Variants in UBE3D observed in about 807,000 individuals in gnomAD.
The protein encoded by UBE3D is E3 ubiquitin-protein ligase E3D.
In UBE3D, 48 loss-of-function variants were observed where a neutral mutation model predicts 49.6. That is an observed-to-expected ratio of 0.97 (90% confidence interval 0.77 to 1.23). UBE3D has a LOEUF of 1.23. Ranked by LOEUF, UBE3D falls within the 50% of genes most tolerant of loss-of-function variation. The pLI, the probability that UBE3D is intolerant of heterozygous loss-of-function variation, is 0.00. For missense variants in UBE3D, 452 were observed against 468.4 expected, an observed-to-expected ratio of 0.96 and a Z score of 0.32; for synonymous variants, 189 against 174.2, an observed-to-expected ratio of 1.08 and a Z score of -0.67.
At chr6:83,047,971 A>G (rs987484256) in intron 3 of UBE3D, among the ~76,000 whole-genome samples, 5 of 146,588 alleles carry the variant, frequency 3.4e-5, no homozygotes, top group African/African-American at 1.0e-4. Flanking sequence ...AGTCCCAGCT[A>G]CTCCGGAGGC....
At chr6:83,017,999 GA>G (rs1319589987) in intron 8 of UBE3D, 1 of 152,098 alleles carries the variant, frequency 6.6e-6, no homozygotes, top group Non-Finnish European at 1.5e-5. Context: ...AACAGAAAAG[GA>G]AGTGGAAGAG....
chr6:82,887,855 T>C (rs1326554182), downstream of UBE3D, among the ~76,000 whole-genome samples: 3 of 152,084 alleles, frequency 2.0e-5, no homozygotes, highest in Non-Finnish European at 4.4e-5. Flanking sequence ...AGTGAAGGGG[T>C]CACACAGTGA....
intron 8 of UBE3D, among the ~76,000 whole-genome samples, chr6:82,964,013 A>G (rs1051771883): frequency 2.0e-5 from 3 of 152,208 alleles, no homozygotes; most frequent in East Asian, 3.9e-4. Context: ...ACTTACTTCT[A>G]TGATTTTTAA....
At chr6:83,064,972 C>T (rs752277503) in intron 1 of UBE3D, among the ~76,000 whole-genome samples, 4 of 152,142 alleles carry the variant, frequency 2.6e-5, no homozygotes, top group Non-Finnish European at 4.4e-5. Flanking sequence ...GACAAGGGGA[C>T]CACAAATCAT....
intron 9 of UBE3D, among the ~76,000 whole-genome samples, chr6:82,899,970 G>C (rs1231141512): frequency 6.6e-6 from 1 of 152,202 alleles, no homozygotes; most frequent in Non-Finnish European, 1.5e-5. Context: ...TAGGATACCA[G>C]TATGGGTGGG....
intron 9 of UBE3D, among the ~76,000 whole-genome samples, chr6:82,937,480 A>G (rs1774667691): frequency 6.6e-6 from 1 of 152,144 alleles, no homozygotes; most frequent in East Asian, 1.9e-4. Flanking sequence ...CTCCTTTCCA[A>G]GGAAGTAAGA....
chr6:82,987,563 C>T (rs1054724826), intron 8 of UBE3D, among the ~76,000 whole-genome samples: 8 of 152,090 alleles, frequency 5.3e-5, no homozygotes, highest in Admixed American at 6.5e-5. Flanking sequence ...AATAAAACAT[C>T]GAATTGGCAA....
At chr6:82,887,656 C>T (rs1324240613), downstream of UBE3D, among the ~76,000 whole-genome samples, 19 of 147,896 alleles carry the variant, frequency 1.3e-4, no homozygotes. Context: ...TTGCGGTGAG[C>T]GAAGATGGCG....
intron 8 of UBE3D, among the ~76,000 whole-genome samples, chr6:82,974,271 T>C (rs960973954): frequency 4.6e-5 from 7 of 152,242 alleles, no homozygotes; most frequent in African/African-American, 1.7e-4. Flanking sequence ...AACCGGTCCC[T>C]TGTGCCGAAA....
intron 9 of UBE3D, among the ~76,000 whole-genome samples, chr6:82,937,775 CAG>C (rs1774695423): frequency 6.6e-6 from 1 of 152,126 alleles, no homozygotes. Context: ...TACGGGCTGT[CAG>C]AGAACATTTC....
intron 3 of UBE3D, among the ~76,000 whole-genome samples, chr6:83,046,057 T>C (rs989741282): frequency 1.3e-5 from 2 of 152,192 alleles, no homozygotes; most frequent in Admixed American, 6.5e-5. Context: ...GAAATGTACC[T>C]TTCTCATCAC....
At chr6:82,903,082 G>A (rs1464830955) in intron 9 of UBE3D, among the ~76,000 whole-genome samples, 1 of 151,970 alleles carries the variant, frequency 6.6e-6, no homozygotes, top group Non-Finnish European at 1.5e-5. Flanking sequence ...AATTGCTATT[G>A]TAACTTTAAT....
chr6:83,049,589 G>A, intron 3 of UBE3D: 1 of 296,984 alleles, frequency 3.4e-6, no homozygotes. Context: ...CTGCCAAGTG[G>A]ATCAATCAAG....
In UBE3D at chr6:82,991,016, G is replaced by T. The variant is rs377594953; in HGVS notation, c.1010+27957C>A. ...GTCCACAGGCCGGATGGGGGATAGG[G>T]TTACTGCTTCCAAGATGGTACCTTC... On this transcript the variant is annotated intron_variant, in intron 8 of 9. Coordinates refer to ENST00000369747, the MANE Select transcript of UBE3D (RefSeq NM_198920.3). Among the ~76,000 whole-genome samples the T allele has an allele frequency of 1.4e-4, 21 of 152,276 alleles. No individual in the cohort carries two copies. In the East Asian group the frequency reaches 3.7e-3, roughly 27 times the overall value.
chr6:82,948,159 TAAATA>T (rs1168979561), intron 9 of UBE3D, among the ~76,000 whole-genome samples: 7 of 150,984 alleles, frequency 4.6e-5, no homozygotes, highest in Admixed American at 1.3e-4. Flanking sequence ...AGAGAATAAA[TAAATA>T]AAATAAATAA....
At chr6:82,958,803 T>C (rs1776344970) in intron 8 of UBE3D, among the ~76,000 whole-genome samples, 3 of 152,330 alleles carry the variant, frequency 2.0e-5, no homozygotes, top group South Asian at 4.1e-4. Context: ...TTATTAGTTT[T>C]ACATGTACAT....
chr6:82,887,642 G>A (rs548256791), downstream of UBE3D, among the ~76,000 whole-genome samples: 194 of 151,342 alleles, frequency 1.3e-3, no homozygotes, highest in Non-Finnish European at 2.4e-3. Flanking sequence ...CCAGGAGATG[G>A]AGGTTGCGGT....
intron 3 of UBE3D, among the ~76,000 whole-genome samples, chr6:83,052,084 C>T (rs1056424302): frequency 4.6e-5 from 7 of 152,300 alleles, no homozygotes; most frequent in South Asian, 2.1e-4. Flanking sequence ...ATGCTTGCCA[C>T]GTGCCAGGCA....
chr6:82,893,313 G>A (rs1175410216), intron 9 of UBE3D, among the ~76,000 whole-genome samples: 2 of 152,012 alleles, frequency 1.3e-5, no homozygotes, highest in Admixed American at 6.6e-5. Context: ...ATATTGCTAC[G>A]AAGTAATCCA....
Sources: allele counts gnomAD v4.1 joint callset (sites outside exome capture counted in the v4.1 genomes callset), GRCh38; gene constraint gnomAD v4.1.1; transcripts MANE v1.5; gene names NCBI Gene and HGNC (gene_info 2026-07-23, HGNC 2026-07-21).